The following KIFAP3 variants were observed in gnomAD, a reference collection of about 807,000 sequenced individuals.
KIFAP3 encodes kinesin associated protein 3, also known as kinesin-associated protein 3.
In KIFAP3, 68 loss-of-function variants were observed where a neutral mutation model predicts 106.5. The observed-to-expected ratio is 0.64, with a 90% confidence interval of 0.53 to 0.78. KIFAP3 has a LOEUF of 0.78. Among genes scored for constraint, KIFAP3 ranks in the 30% least tolerant of loss-of-function variants. The probability of loss-of-function intolerance (pLI) is 0.00; values close to 1 mark genes in which losing one functional copy is unlikely to be tolerated. For synonymous variants in KIFAP3, 320 were observed against 311.5 expected, an observed-to-expected ratio of 1.03 and a Z score of -0.29; for missense variants, 780 against 941.8, an observed-to-expected ratio of 0.83 and a Z score of 2.25.
chr1:170,014,789 C>T (rs765817657), intron 10 of KIFAP3, among the ~76,000 whole-genome samples: 1 of 152,104 alleles, frequency 6.6e-6, no homozygotes. Flanking sequence ...TATAGAATGT[C>T]TACTTCATAA....
intron 16 of KIFAP3, among the ~76,000 whole-genome samples, chr1:169,974,531 T>C (rs955417128): frequency 2.6e-5 from 4 of 151,882 alleles, no homozygotes; most frequent in Non-Finnish European, 5.9e-5. Context: ...TCTTACTATT[T>C]TTTTTTAGGG....
chr1:170,045,916 A>T (rs574494356), intron 3 of KIFAP3, among the ~76,000 whole-genome samples: 1 of 152,230 alleles, frequency 6.6e-6, no homozygotes, highest in South Asian at 2.1e-4. Flanking sequence ...AATCATAAGG[A>T]TTTTGCTTAA....
At chr1:170,008,167 T>A (rs1270807242) in intron 10 of KIFAP3, among the ~76,000 whole-genome samples, 1 of 151,634 alleles carries the variant, frequency 6.6e-6, no homozygotes, top group Non-Finnish European at 1.5e-5. Flanking sequence ...ATAAAAACTC[T>A]AGAACAATAC....
Position 169,982,810 on chromosome 1 carries a change from T to A in KIFAP3, c.1564A>T (p.Ile522Phe), listed in dbSNP as rs1212308979. Residue 522 changes from isoleucine to phenylalanine, a missense_variant, in exon 14 of 20, where the codon ATT becomes TTT. Physicochemically the swap from Ile to Phe is conservative, Grantham distance 21 (BLOSUM62 0). Coordinates refer to ENST00000361580, the MANE Select transcript of KIFAP3 (RefSeq NM_014970.4). ...ISNDEEEEFV[I>F]ECLGTLANLT... ...TTTGCAAGAGTTCCCAAACATTCAA[T>A]CACAAACTCCTCTTCTTCATCATTA... 6.2e-7 allele frequency: 1 copy of A among 1,607,622 alleles called. No individual in the cohort carries two copies. The highest frequency in any genetic ancestry group is 1.7e-5 in the Admixed American group (1 of 59,794).
At chr1:169,979,834 G>T (rs1191898317) in intron 15 of KIFAP3, among the ~76,000 whole-genome samples, 1 of 151,928 alleles carries the variant, frequency 6.6e-6, no homozygotes, top group Non-Finnish European at 1.5e-5. Context: ...ATTCATAGGA[G>T]CATTATTTAT....
chr1:169,966,237 A>T (rs540744867), intron 17 of KIFAP3, among the ~76,000 whole-genome samples: 1 of 151,886 alleles, frequency 6.6e-6, no homozygotes, highest in Non-Finnish European at 1.5e-5. Context: ...TCTAAAAAAG[A>T]AGCAAAACAG....
intron 19 of KIFAP3, among the ~76,000 whole-genome samples, chr1:169,925,710 C>A (rs1663096416): frequency 6.6e-6 from 1 of 152,088 alleles, no homozygotes; most frequent in Non-Finnish European, 1.5e-5. Flanking sequence ...AGTAAAGAAT[C>A]TCAGGCACTC....
At chr1:169,972,026 A>T (rs1352102460) in intron 17 of KIFAP3, among the ~76,000 whole-genome samples, 1 of 151,824 alleles carries the variant, frequency 6.6e-6, no homozygotes, top group Non-Finnish European at 1.5e-5. Context: ...ATCCTTTAAA[A>T]ACCTCCAAAA....
At chr1:169,983,895 T>C (rs531745148) in intron 12 of KIFAP3, among the ~76,000 whole-genome samples, 62 of 151,930 alleles carry the variant, frequency 4.1e-4, no homozygotes, top group Admixed American at 1.0e-3. Flanking sequence ...TCCATAATAG[T>C]GAAGTAAACT....
intron 9 of KIFAP3, among the ~76,000 whole-genome samples, chr1:170,022,012 T>C (rs1668864754): frequency 7.0e-6 from 1 of 142,308 alleles, no homozygotes; most frequent in African/African-American, 2.6e-5. Flanking sequence ...TGCAGTGGCA[T>C]GATCTCAGTT....
chr1:170,024,707 T>C (rs890002742), intron 8 of KIFAP3, 111 bp from the exon 9 acceptor site: 4 of 597,076 alleles, frequency 6.7e-6, no homozygotes, highest in African/African-American at 1.9e-5. Flanking sequence ...AGGTAATATA[T>C]TATTTTGAAA....
At chr1:170,002,975 C>A (rs1571641611) in intron 10 of KIFAP3, among the ~76,000 whole-genome samples, 1 of 152,234 alleles carries the variant, frequency 6.6e-6, no homozygotes, top group East Asian at 1.9e-4. Flanking sequence ...GTTTAAAGAA[C>A]AGTTTACTAA....
chr1:170,058,710 T>C (rs1670978575), intron 1 of KIFAP3, among the ~76,000 whole-genome samples: 1 of 151,970 alleles, frequency 6.6e-6, no homozygotes, highest in South Asian at 2.1e-4. Flanking sequence ...CTGGGACAAA[T>C]GCTAAATCAG....
chr1:170,081,161 T>C (rs1672014197), intron 1 of KIFAP3, among the ~76,000 whole-genome samples: 1 of 152,154 alleles, frequency 6.6e-6, no homozygotes, highest in Non-Finnish European at 1.5e-5. Context: ...GACAAAATAA[T>C]TGTATTCATG....
rs1189024634 is a variant in KIFAP3, at chr1:169,961,360, C to A, written c.1984-125G>T. 6.3e-6 allele frequency: 4 copies of A among 634,564 alleles called. No individual in the cohort carries two copies. The East Asian group carries it at 1.1e-4, about 17-fold the overall frequency. 39.3% of individuals were successfully genotyped at this position (634,564 alleles called of 1,614,324 possible). ...TGGGTCAGAGGAAGCACTACAAATA[C>A]CTGTTCAGGATTATTTTATATAATA... On this transcript the variant is annotated intron_variant, in intron 17 of 19. Coordinates refer to ENST00000361580, the MANE Select transcript of KIFAP3 (RefSeq NM_014970.4).
chr1:170,061,908 C>T (rs532031669), intron 1 of KIFAP3, among the ~76,000 whole-genome samples: 121 of 152,150 alleles, frequency 8.0e-4, no homozygotes, highest in African/African-American at 2.7e-3. Flanking sequence ...CAAACTGTCG[C>T]AAGGACAGAA....
chr1:170,014,491 A>G (rs74744333), intron 10 of KIFAP3, among the ~76,000 whole-genome samples: 9,595 of 152,232 alleles, frequency 0.063, 386 homozygotes, highest in Non-Finnish European at 0.095. Context: ...ATATCACCCT[A>G]TGAAAATGAC....
chr1:170,014,747 T>C (rs1045612856), intron 10 of KIFAP3, among the ~76,000 whole-genome samples: 1 of 152,188 alleles, frequency 6.6e-6, no homozygotes, highest in Non-Finnish European at 1.5e-5. Flanking sequence ...AGAAACGTAT[T>C]TGTACTCAGA....
chr1:170,041,422 G>A (rs533680432), intron 3 of KIFAP3, among the ~76,000 whole-genome samples: 3 of 152,266 alleles, frequency 2.0e-5, no homozygotes, highest in Admixed American at 6.5e-5. Flanking sequence ...CAGGAGGATC[G>A]CTTGAGCCCA....
Sources: allele counts gnomAD v4.1 joint callset (sites outside exome capture counted in the v4.1 genomes callset), GRCh38; gene constraint gnomAD v4.1.1; transcripts MANE v1.5; gene names NCBI Gene and HGNC (gene_info 2026-07-23, HGNC 2026-07-21).